Variants in UNC93A observed in about 807,000 individuals in gnomAD.
UNC93A encodes N-acetylglucosamine transporter UNC93A.
Under a neutral mutation model 47.5 loss-of-function variants are expected in UNC93A, and 43 were observed. The ratio of observed to expected loss-of-function variants is 0.91; its 90% CI spans 0.71 to 1.17. The LOEUF (loss-of-function observed/expected upper bound fraction) is 1.17. Ranked by LOEUF, UNC93A falls within the 50% of genes most tolerant of loss-of-function variation. The pLI, the probability that UNC93A is intolerant of heterozygous loss-of-function variation, is 0.00. For synonymous variants in UNC93A, 280 were observed against 258.0 expected (o/e 1.09, Z -0.82); for missense variants, 605 against 577.6 (o/e 1.05, Z -0.49).
intron 1 of UNC93A, among the ~76,000 whole-genome samples, chr6:167,276,004 G>A (rs930786446): frequency 2.0e-5 from 3 of 150,574 alleles, no homozygotes; most frequent in African/African-American, 7.3e-5. Flanking sequence ...ACCATTTCCA[G>A]CCTCTAGTAT....
At chr6:167,276,621 A>G (rs1783548104) in intron 1 of UNC93A, among the ~76,000 whole-genome samples, 1 of 152,174 alleles carries the variant, frequency 6.6e-6, no homozygotes, top group South Asian at 2.1e-4. Flanking sequence ...AGGAGACTTC[A>G]GAGTCCCGGG....
In UNC93A at chr6:167,291,500, G is replaced by A. The variant is rs773219618; in HGVS notation, c.11G>A (p.Ser4Asn). The A allele has an allele frequency of 2.8e-5, 45 of 1,613,896 alleles. No homozygotes were observed. Among genetic ancestry groups the A allele is most frequent in the Non-Finnish European group, 3.7e-5 (44 of 1,179,922 alleles). Residue 4 changes from serine to asparagine, a missense_variant, in exon 1 of 8, where the codon AGT (serine) becomes AAT (asparagine). Ser to Asn is a conservative substitution (Grantham distance 46). Transcript: ENST00000230256. The stretch of plus-strand genomic sequence containing the variant: ...TTTTCATCCAGCACAATGGACAGAA[G>A]TCTAAGGAACGTCCTTGTGGTTTCC... MDR[S>N]LRNVLVVSFG...
intron 7 of UNC93A, among the ~76,000 whole-genome samples, chr6:167,311,832 A>G (rs1460348656): frequency 6.6e-6 from 1 of 152,296 alleles, no homozygotes; most frequent in African/African-American, 2.4e-5. Context: ...TATAGATCCA[A>G]TGCATTTACC....
intron 4 of UNC93A, 90 bp downstream of exon 4, chr6:167,298,160 A>G (rs1778144065): frequency 6.6e-7 from 1 of 1,515,388 alleles, no homozygotes; most frequent in East Asian, 2.3e-5. Context: ...CTCCCAATGT[A>G]AAAGTAATCT....
At chr6:167,278,310 G>T (rs206980) in intron 1 of UNC93A, among the ~76,000 whole-genome samples, 33 of 152,046 alleles carry the variant, frequency 2.2e-4, no homozygotes, top group African/African-American at 7.7e-4. Flanking sequence ...GAAGAGGACA[G>T]TGCCACAGAG....
At chr6:167,294,220 A>C (rs1777984018) in intron 1 of UNC93A, among the ~76,000 whole-genome samples, 1 of 152,176 alleles carries the variant, frequency 6.6e-6, no homozygotes, top group Non-Finnish European at 1.5e-5. Context: ...GCTGAGATTC[A>C]GGCAGGTGTC....
chr6:167,279,169 A>G (rs1783592197), intron 1 of UNC93A, among the ~76,000 whole-genome samples: 1 of 152,216 alleles, frequency 6.6e-6, no homozygotes, highest in South Asian at 2.1e-4. Flanking sequence ...AATCTATGGC[A>G]CATACTTTTA....
At chr6:167,314,336 C>T (rs770744798) in intron 7 of UNC93A, among the ~76,000 whole-genome samples, 3 of 152,158 alleles carry the variant, frequency 2.0e-5, no homozygotes, top group Non-Finnish European at 2.9e-5. Context: ...CCTGGGGAAC[C>T]ACATGCTTCT....
At chr6:167,291,299 A>G (rs1351968607), upstream of UNC93A, 3 of 488,410 alleles carry the variant, frequency 6.1e-6, no homozygotes, top group East Asian at 9.9e-5. Context: ...TCATGGGGTC[A>G]GTGATAACCA....
intron 1 of UNC93A, among the ~76,000 whole-genome samples, chr6:167,293,002 C>G (rs527277933): frequency 1.3e-5 from 2 of 152,254 alleles, no homozygotes; most frequent in Non-Finnish European, 2.9e-5. Flanking sequence ...GGCCTCTGGA[C>G]TTGGAAGCCA....
chr6:167,292,570 A>G (rs915370325), intron 1 of UNC93A, among the ~76,000 whole-genome samples: 1 of 152,130 alleles, frequency 6.6e-6, no homozygotes, highest in Non-Finnish European at 1.5e-5. Flanking sequence ...TCTATTTCTG[A>G]TCAGGCTTAC....
intron 1 of UNC93A, among the ~76,000 whole-genome samples, chr6:167,293,405 C>T (rs1284519390): frequency 7.2e-5 from 11 of 152,168 alleles, no homozygotes; most frequent in Non-Finnish European, 1.2e-4. Context: ...AGGCCCCACC[C>T]GGGCCTATTG....
chr6:167,307,747 A>T, intron 6 of UNC93A, 32 bp from the exon 7 acceptor site: 5 of 1,579,038 alleles, frequency 3.2e-6, no homozygotes, highest in Middle Eastern at 1.7e-4. Flanking sequence ...GATGGCCCTC[A>T]TCGCCTGGCG....
chr6:167,274,285 C>T (rs1463669708), intron 1 of UNC93A, among the ~76,000 whole-genome samples: 1 of 152,170 alleles, frequency 6.6e-6, no homozygotes, highest in African/African-American at 2.4e-5. Context: ...GTTTAGTCCT[C>T]AAGGCACAGA....
chr6:167,281,437 CT>C (rs1313005357), intron 1 of UNC93A, among the ~76,000 whole-genome samples: 1 of 152,132 alleles, frequency 6.6e-6, no homozygotes, highest in African/African-American at 2.4e-5. Context: ...CTGAATACTT[CT>C]TGTAGCTAAA....
intron 3 of UNC93A, 21 bp from the exon 4 acceptor site, chr6:167,297,924 C>T: frequency 6.2e-7 from 1 of 1,612,302 alleles, no homozygotes. Flanking sequence ...CTCATGTCTC[C>T]TGTCCACTCT....
chr6:167,308,061 C>A, intron 7 of UNC93A, 151 bp downstream of exon 7: 1 of 1,122,170 alleles, frequency 8.9e-7, no homozygotes, highest in Non-Finnish European at 1.2e-6. Context: ...GATGTCGCCT[C>A]TGAGTCTGAT....
intron 1 of UNC93A, among the ~76,000 whole-genome samples, chr6:167,293,055 T>A (rs749398048): frequency 1.3e-5 from 2 of 152,120 alleles, no homozygotes; most frequent in African/African-American, 2.4e-5. Flanking sequence ...CAGGGGTCCC[T>A]CCTCTCAGGC....
chr6:167,269,472 T>C (rs902655075), upstream of UNC93A, among the ~76,000 whole-genome samples: 2 of 152,192 alleles, frequency 1.3e-5, no homozygotes, highest in Non-Finnish European at 2.9e-5. Flanking sequence ...AGTTGACTAA[T>C]AATTTTTAAT....
Sources: allele counts gnomAD v4.1 joint callset (sites outside exome capture counted in the v4.1 genomes callset), GRCh38; gene constraint gnomAD v4.1.1; transcripts MANE v1.5; gene names NCBI Gene and HGNC (gene_info 2026-07-23, HGNC 2026-07-21).